PTH2R: variants seen among roughly 807,000 people sequenced by gnomAD.
The protein encoded by PTH2R is parathyroid hormone 2 receptor.
A neutral mutation model predicts 60.3 loss-of-function variants in PTH2R; 59 were observed. The observed-to-expected ratio is 0.98, with a 90% confidence interval of 0.79 to 1.22. The LOEUF (loss-of-function observed/expected upper bound fraction) is 1.22, where lower values mean the gene tolerates loss of function less well. Among genes scored for constraint, PTH2R ranks in the 50% most tolerant of loss-of-function variants. The pLI, the probability that PTH2R is intolerant of heterozygous loss-of-function variation, is 0.00. For missense variants in PTH2R, 749 were observed against 682.6 expected, an observed-to-expected ratio of 1.10 and a Z score of -1.08; for synonymous variants, 256 against 243.8, an observed-to-expected ratio of 1.05 and a Z score of -0.47.
At chr2:208,401,445 GT>G (rs796961634) in intron 1 of PTH2R, among the ~76,000 whole-genome samples, 272 of 142,830 alleles carry the variant, frequency 1.9e-3, no homozygotes, top group African/African-American at 3.3e-3. Flanking sequence ...TTGCAAAAAG[GT>G]TTTTTTTTTT....
At chr2:208,463,633 C>A (rs1275386973) in intron 9 of PTH2R, among the ~76,000 whole-genome samples, 1 of 152,186 alleles carries the variant, frequency 6.6e-6, no homozygotes, top group Non-Finnish European at 1.5e-5. Flanking sequence ...TAAGCATTAG[C>A]TATTATCATT....
rs58836876 is a variant in PTH2R at position 208,408,766 on chromosome 2, A to AGAG, written c.75+1648_75+1649insGAG. On this transcript the variant is annotated intron_variant, in intron 1 of 12. Coordinates refer to ENST00000272847, the MANE Select transcript of PTH2R (RefSeq NM_005048.4). ...AGAGAGAGAGAGAGAGAGAGAGAGA[A>AGAG]ATAAATAATAAATAAATCACCATGG... 8.2e-3 allele frequency among the ~76,000 whole-genome samples: 896 copies of AGAG among 109,542 alleles called. 8 individuals carry two copies. Among genetic ancestry groups the AGAG allele is most frequent in the African/African-American group, 0.04 (845 of 21,162 alleles). The allele number at this position is 109,542 out of a possible 152,430, so 71.9% of individuals were successfully genotyped here. A position where few individuals can be genotyped will look rare whatever the true frequency, so the allele number is the denominator to read the frequency against.
chr2:208,437,781 A>T lies in PTH2R; in HGVS notation c.311A>T (p.Asn104Ile), dbSNP rs1702105322. Residue 104 changes from asparagine (N) to isoleucine (I), a missense_variant, in exon 4 of 13, where the codon AAC becomes ATC. Coordinates refer to ENST00000272847, the MANE Select transcript of PTH2R (RefSeq NM_005048.4). ...ACAGGAGTTGCTTTCCGACACTGTA[A>T]CCCCAATGGAACATGGGATTTTATG... Reference protein sequence around the residue: ...NHKGVAFRHCNPNGTWDFMHS... With the variant: ...NHKGVAFRHCIPNGTWDFMHS... The T allele has an allele frequency of 1.2e-6, 2 of 1,613,532 alleles. No individual in the cohort carries two copies. Among genetic ancestry groups the T allele is most frequent in the Non-Finnish European group, 1.7e-6 (2 of 1,179,626 alleles).
At chr2:208,471,798 G>A (rs1248043503) in intron 9 of PTH2R, among the ~76,000 whole-genome samples, 9 of 152,170 alleles carry the variant, frequency 5.9e-5, no homozygotes, top group Admixed American at 6.5e-5. Context: ...TGCACCATGT[G>A]CCTGGAAAAG....
intron 1 of PTH2R, among the ~76,000 whole-genome samples, chr2:208,372,813 G>A (rs1012874650): frequency 3.5e-4 from 53 of 152,088 alleles, no homozygotes; most frequent in Admixed American, 2.6e-4. Context: ...GGCTGGGCGC[G>A]GTGGCTCATG....
At chr2:208,418,114 C>G (rs1178611588) in intron 1 of PTH2R, among the ~76,000 whole-genome samples, 2 of 151,930 alleles carry the variant, frequency 1.3e-5, no homozygotes. Flanking sequence ...AAAACTACCA[C>G]TTAGCATAAT....
intron 9 of PTH2R, among the ~76,000 whole-genome samples, chr2:208,468,754 A>C (rs1338581753): frequency 6.6e-6 from 1 of 152,224 alleles, no homozygotes; most frequent in Non-Finnish European, 1.5e-5. Flanking sequence ...TCTTTTCAAC[A>C]TCACAGTATA....
chr2:208,362,415 T>C (rs909063721), intron 1 of PTH2R, among the ~76,000 whole-genome samples: 2 of 152,192 alleles, frequency 1.3e-5, no homozygotes, highest in African/African-American at 2.4e-5. Flanking sequence ...CATATATATA[T>C]CAATGTCTCT....
intron 1 of PTH2R, among the ~76,000 whole-genome samples, chr2:208,400,358 C>T (rs1211989155): frequency 6.6e-6 from 1 of 152,134 alleles, no homozygotes; most frequent in African/African-American, 2.4e-5. Flanking sequence ...AATATCTTCC[C>T]AGTCATTAAG....
chr2:208,479,968 C>T, intron 9 of PTH2R, among the ~76,000 whole-genome samples: 1 of 152,164 alleles, frequency 6.6e-6, no homozygotes, highest in African/African-American at 2.4e-5. Flanking sequence ...CAGCTCACAG[C>T]ACAACTTTGA....
rs13428311 is a variant in PTH2R at position 208,485,658 on chromosome 2, G to T, written c.1077-3354G>T. ...ACTGGACAGAATTTGTATTTCTATG[G>T]GCAGGAATTATTTGCATTACTGTGG... is the stretch of plus-strand genomic sequence containing the variant. On this transcript the variant is annotated intron_variant, in intron 10 of 12. Transcript: ENST00000272847. 9.3e-3 allele frequency among the ~76,000 whole-genome samples: 1,412 copies of T among 152,094 alleles called. 27 individuals are homozygous for T. Among genetic ancestry groups the T allele is most frequent in the African/African-American group, 0.033 (1,356 of 41,462 alleles).
intron 8 of PTH2R, among the ~76,000 whole-genome samples, chr2:208,454,177 G>A (rs1468363936): frequency 6.6e-6 from 1 of 151,480 alleles, no homozygotes; most frequent in Non-Finnish European, 1.5e-5. Context: ...TTTTTTTTTG[G>A]TATTATTTCT....
chr2:208,422,774 A>G (rs1701782400), intron 1 of PTH2R, among the ~76,000 whole-genome samples: 2 of 152,140 alleles, frequency 1.3e-5, no homozygotes, highest in Admixed American at 6.5e-5. Context: ...CACTTGTAAG[A>G]TAACATCTTA....
At chr2:208,459,722 C>T (rs1181794687) in intron 8 of PTH2R, among the ~76,000 whole-genome samples, 173 bp from the exon 9 acceptor site, 1 of 152,084 alleles carries the variant, frequency 6.6e-6, no homozygotes, top group Non-Finnish European at 1.5e-5. Flanking sequence ...AATCAATACC[C>T]GTTACACTTT....
chr2:208,457,726 T>G (rs1702542997), intron 8 of PTH2R, among the ~76,000 whole-genome samples: 1 of 152,166 alleles, frequency 6.6e-6, no homozygotes, highest in African/African-American at 2.4e-5. Flanking sequence ...TGGGGAGGAC[T>G]GAGACATCTC....
intron 1 of PTH2R, among the ~76,000 whole-genome samples, chr2:208,410,410 G>A (rs1481231483): frequency 6.6e-6 from 1 of 152,054 alleles, no homozygotes; most frequent in African/African-American, 2.4e-5. Context: ...CCTCATTGTG[G>A]AGATCAGCTG....
chr2:208,455,641 A>T (rs1267120048), intron 8 of PTH2R, among the ~76,000 whole-genome samples: 2 of 152,216 alleles, frequency 1.3e-5, no homozygotes, highest in Non-Finnish European at 2.9e-5. Flanking sequence ...TTCACATAAA[A>T]TTCAGCTTTT....
chr2:208,475,680 G>C (rs1201690928), intron 9 of PTH2R, among the ~76,000 whole-genome samples: 3 of 152,142 alleles, frequency 2.0e-5, no homozygotes, highest in African/African-American at 7.2e-5. Flanking sequence ...GACACCTTGT[G>C]GTTTGCATTA....
chr2:208,412,996 C>T (rs1701570897), intron 1 of PTH2R, among the ~76,000 whole-genome samples: 1 of 152,044 alleles, frequency 6.6e-6, no homozygotes, highest in African/African-American at 2.4e-5. Flanking sequence ...TACTCATTCT[C>T]TTTCTCTCTC....
Sources: allele counts gnomAD v4.1 joint callset (sites outside exome capture counted in the v4.1 genomes callset), GRCh38; gene constraint gnomAD v4.1.1; transcripts MANE v1.5; gene names NCBI Gene and HGNC (gene_info 2026-07-23, HGNC 2026-07-21).